LRRK1: variants seen among roughly 807,000 people sequenced by gnomAD.
LRRK1 encodes the protein leucine-rich repeat serine/threonine-protein kinase 1.
A neutral mutation model predicts 209.1 loss-of-function variants in LRRK1; 113 were observed. The ratio of observed to expected loss-of-function variants is 0.54; its 90% CI spans 0.46 to 0.63. LRRK1 has a LOEUF of 0.63. LRRK1 is among the 30% of genes least tolerant of loss of function. LRRK1 has a pLI of 0.00. For missense variants in LRRK1, 2,284 were observed against 2,632.2 expected, an observed-to-expected ratio of 0.87 and a Z score of 2.89; for synonymous variants, 1,144 against 1,099.7, an observed-to-expected ratio of 1.04 and a Z score of -0.80.
At chr15:100,921,173 G>A (rs1035539119) in intron 1 of LRRK1, among the ~76,000 whole-genome samples, 18 of 152,168 alleles carry the variant, frequency 1.2e-4, no homozygotes, top group Admixed American at 2.6e-4. Context: ...TTATTGCTGT[G>A]CCCTCATTCC....
At chr15:101,016,164 A>G (rs926772920) in intron 12 of LRRK1, among the ~76,000 whole-genome samples, 1 of 151,808 alleles carries the variant, frequency 6.6e-6, no homozygotes, top group African/African-American at 2.4e-5. Flanking sequence ...TAATTTTTGT[A>G]TTTTTGGAGA....
intron 10 of LRRK1, among the ~76,000 whole-genome samples, chr15:101,013,106 C>T (rs1047181426): frequency 2.0e-5 from 3 of 151,300 alleles, no homozygotes; most frequent in Non-Finnish European, 2.9e-5. Flanking sequence ...TGTGGGCCTG[C>T]AGGGAATGTG....
In LRRK1 at chr15:101,072,165, G is replaced by A. The variant is rs1474027257; in HGVS notation, c.*3317G>A. 1 of 152,200 alleles carries A rather than the reference G, an allele frequency of 6.6e-6. No homozygotes were observed. Among genetic ancestry groups the A allele is most frequent in the African/African-American group, 2.4e-5 (1 of 41,450 alleles). 9.4% of individuals were successfully genotyped at this position (152,200 alleles called of 1,614,324 possible). On this transcript the variant is annotated 3_prime_UTR_variant, in exon 34 of 34. Coordinates refer to ENST00000388948, the MANE Select transcript of LRRK1 (RefSeq NM_024652.6). ...GTAGTTGGAGGCTACCCCTTGGAGGGCATTCTGGACTTATCTACCAAAATT... is the reference window on the plus strand; with the variant it reads ...GTAGTTGGAGGCTACCCCTTGGAGGACATTCTGGACTTATCTACCAAAATT...
At chr15:101,050,401 C>A (rs1427612328) in intron 23 of LRRK1, among the ~76,000 whole-genome samples, 1 of 152,220 alleles carries the variant, frequency 6.6e-6, no homozygotes, top group African/African-American at 2.4e-5. Context: ...ACTCCCAGAG[C>A]AGCCTGCCAG....
At chr15:100,956,417 A>G (rs2042757497) in intron 2 of LRRK1, among the ~76,000 whole-genome samples, 1 of 131,242 alleles carries the variant, frequency 7.6e-6, no homozygotes, top group Admixed American at 7.4e-5. Flanking sequence ...AATTAAAAAA[A>G]AAAACTCTTA....
At chr15:101,036,416 C>T (rs993495358) in intron 20 of LRRK1, among the ~76,000 whole-genome samples, 18 of 152,036 alleles carry the variant, frequency 1.2e-4, no homozygotes, top group African/African-American at 4.3e-4. Flanking sequence ...ATATTTCACT[C>T]AATGAATTCT....
chr15:101,063,643 A>G (rs2036328457), intron 31 of LRRK1, among the ~76,000 whole-genome samples: 1 of 150,990 alleles, frequency 6.6e-6, no homozygotes, highest in Non-Finnish European at 1.5e-5. Flanking sequence ...TGTGACTGTC[A>G]TCATCCAATT....
At chr15:100,997,088 A>G (rs1290183947) in intron 6 of LRRK1, among the ~76,000 whole-genome samples, 1 of 145,468 alleles carries the variant, frequency 6.9e-6, no homozygotes, top group Non-Finnish European at 1.5e-5. Flanking sequence ...AATCATATCT[A>G]TAGATCTTAT....
chr15:101,055,264 A>C, intron 27 of LRRK1, 41 bp downstream of exon 27: 7 of 1,495,708 alleles, frequency 4.7e-6, no homozygotes, highest in Non-Finnish European at 6.2e-6. Context: ...ACAGTGTAGG[A>C]GCCCAGCCCT....
chr15:100,980,941 G>C (rs1051970023), intron 3 of LRRK1, among the ~76,000 whole-genome samples: 3 of 152,196 alleles, frequency 2.0e-5, no homozygotes, highest in African/African-American at 7.2e-5. Flanking sequence ...TTTTCTGCAG[G>C]TGTGCAGGTG....
At chr15:101,013,305 G>A (rs373005917) in intron 10 of LRRK1, among the ~76,000 whole-genome samples, 1 of 152,224 alleles carries the variant, frequency 6.6e-6, no homozygotes, top group Admixed American at 6.5e-5. Flanking sequence ...AGCACCAGGA[G>A]GAGAGAATTT....
intron 33 of LRRK1, 137 bp from the exon 34 acceptor site, chr15:101,068,534 C>G: frequency 1.2e-6 from 1 of 858,330 alleles, no homozygotes; most frequent in Non-Finnish European, 1.7e-6. Context: ...TCAGCACACC[C>G]CAGAGAGGGC....
intron 2 of LRRK1, among the ~76,000 whole-genome samples, chr15:100,944,990 T>C (rs2042508373): frequency 6.6e-6 from 1 of 151,190 alleles, no homozygotes; most frequent in South Asian, 2.1e-4. Flanking sequence ...TGCCTGTTTC[T>C]TTCACACATT....
At chr15:101,014,273 C>T in intron 10 of LRRK1, 43 bp from the exon 11 acceptor site, 1 of 1,385,332 alleles carries the variant, frequency 7.2e-7, no homozygotes, top group South Asian at 1.2e-5. Flanking sequence ...CTTCTTGTAT[C>T]TGATGCTATC....
Position 101,062,592 on chromosome 15 carries a change from T to G in LRRK1, c.4816T>G (p.Tyr1606Asp). Residue 1606 changes from tyrosine to aspartate, a missense_variant, in exon 31 of 34, where the codon TAC (tyrosine) becomes GAC (aspartate). Physicochemically the swap from Tyr to Asp is radical, Grantham distance 160. Coordinates refer to ENST00000388948, the MANE Select transcript of LRRK1 (RefSeq NM_024652.6). ...TCTGCAGGACCAGAAAATCTACATC[T>G]ACACCCTCAAGGGCATGTGCCCCTT... is the stretch of plus-strand genomic sequence containing the variant. ...TATEDQKIYI[Y>D]TLKGMCPLNT... The G allele has an allele frequency of 6.2e-7, 1 of 1,613,688 alleles. No homozygotes were observed. The highest frequency in any genetic ancestry group is 8.5e-7 in the Non-Finnish European group (1 of 1,179,572).
rs1288043063 is a variant in LRRK1, at chr15:100,972,371, T to A, written c.98-1433T>A. On this transcript the variant is annotated intron_variant, in intron 2 of 33. Coordinates refer to ENST00000388948, the MANE Select transcript of LRRK1 (RefSeq NM_024652.6). ...GAGAGAGAGAGAGAGAGAGTGTGTGTGTGTGTGTGTGTGTGTGTGTGTGTG... is the reference window on the plus strand; with the variant it reads ...GAGAGAGAGAGAGAGAGAGTGTGTGAGTGTGTGTGTGTGTGTGTGTGTGTG... Among the ~76,000 whole-genome samples the A allele has an allele frequency of 7.0e-3, 963 of 137,184 alleles. 4 individuals carry two copies. The highest frequency in any genetic ancestry group is 0.015 in the Middle Eastern group (4 of 262). The allele number at this position is 137,184 out of a possible 152,430, so 90.0% of individuals were successfully genotyped here. A position where few individuals can be genotyped will look rare whatever the true frequency, so the allele number is the denominator to read the frequency against.
intron 2 of LRRK1, among the ~76,000 whole-genome samples, chr15:100,973,567 C>T (rs1314771223): frequency 2.0e-5 from 3 of 152,176 alleles, no homozygotes; most frequent in Admixed American, 6.5e-5. Context: ...GTGGCGGTCT[C>T]GCTGCAGAAT....
intron 6 of LRRK1, among the ~76,000 whole-genome samples, chr15:100,994,900 G>C (rs182484433): frequency 7.4e-4 from 112 of 152,332 alleles, no homozygotes; most frequent in Admixed American, 1.9e-3. Context: ...TCAGGAGCCA[G>C]AGGTAAGTGC....
At chr15:100,979,343 A>G (rs533948243) in intron 3 of LRRK1, among the ~76,000 whole-genome samples, 6 of 152,334 alleles carry the variant, frequency 3.9e-5, no homozygotes, top group Non-Finnish European at 7.4e-5. Context: ...TCCATTCTCA[A>G]TATAATACTG....
Sources: allele counts gnomAD v4.1 joint callset (sites outside exome capture counted in the v4.1 genomes callset), GRCh38; gene constraint gnomAD v4.1.1; transcripts MANE v1.5; gene names NCBI Gene and HGNC (gene_info 2026-07-23, HGNC 2026-07-21).